The following EPHA5 variants were observed in gnomAD, a reference collection of about 807,000 sequenced individuals.
The protein encoded by EPHA5 is EPH receptor A5.
EPHA5 carries 60 observed loss-of-function variants against 105.0 expected under a neutral mutation model. The ratio of observed to expected loss-of-function variants is 0.57; its 90% confidence interval spans 0.46 to 0.71. The LOEUF is 0.71. Among genes scored for constraint, EPHA5 ranks in the 30% least tolerant of loss-of-function variants. EPHA5 has a pLI of 0.00. For synonymous variants in EPHA5, 513 were observed against 449.1 expected (o/e 1.14, Z -1.80); for missense variants, 1,218 against 1,274.7 (o/e 0.96, Z 0.68).
intron 3 of EPHA5, among the ~76,000 whole-genome samples, chr4:65,593,623 C>T (rs998062624): frequency 6.6e-6 from 1 of 152,140 alleles, no homozygotes; most frequent in Admixed American, 6.5e-5. Flanking sequence ...AGTAGGCAAA[C>T]ATTACTTGCA....
intron 5 of EPHA5, among the ~76,000 whole-genome samples, chr4:65,429,153 A>T (rs1262394635): frequency 6.6e-6 from 1 of 152,076 alleles, no homozygotes; most frequent in African/African-American, 2.4e-5. Context: ...AATTCAAATA[A>T]TTTTTACAGT....
intron 3 of EPHA5, among the ~76,000 whole-genome samples, chr4:65,557,267 CTT>C (rs962667566): frequency 5.5e-5 from 3 of 54,390 alleles, no homozygotes; most frequent in African/African-American, 2.1e-4. Flanking sequence ...TATTCTCACA[CTT>C]TGTTATTAAC....
In EPHA5 at chr4:65,351,619, T is replaced by C. The variant is rs770210947; in HGVS notation, c.2236-21A>G. On this transcript the variant is annotated intron_variant, in intron 12 of 16. Transcript: ENST00000613740. ...TTTTTCTGTAAAGACAATGTAGAAA[T>C]ATTAGTCTAGCAACACCAATCACTG... 1.4e-5 allele frequency: 22 copies of C among 1,609,870 alleles called. No individual in the cohort carries two copies. In the South Asian group the frequency reaches 2.3e-4, roughly 17 times the overall value.
chr4:65,389,768 G>A (rs997981245), intron 8 of EPHA5, among the ~76,000 whole-genome samples: 1 of 152,016 alleles, frequency 6.6e-6, no homozygotes, highest in Non-Finnish European at 1.5e-5. Flanking sequence ...AGAGGTACTT[G>A]TGAGGTACAT....
At chr4:65,417,967 A>C (rs990901408) in intron 6 of EPHA5, among the ~76,000 whole-genome samples, 2 of 152,180 alleles carry the variant, frequency 1.3e-5, no homozygotes, top group Non-Finnish European at 1.5e-5. Context: ...TGCTTTCCTC[A>C]AGGACAAAAA....
intron 8 of EPHA5, among the ~76,000 whole-genome samples, chr4:65,392,866 TTTAA>T (rs1481119069): frequency 2.0e-5 from 3 of 152,174 alleles, no homozygotes; most frequent in African/African-American, 7.2e-5. Context: ...GAGTTATTTA[TTTAA>T]TTAAGTTATG....
At chr4:65,477,517 A>G (rs1473268157) in intron 5 of EPHA5, among the ~76,000 whole-genome samples, 1 of 151,872 alleles carries the variant, frequency 6.6e-6, no homozygotes. Context: ...GGTTTAAGTG[A>G]TTCTCCTGCC....
At chr4:65,529,246 C>G (rs1445946211) in intron 3 of EPHA5, among the ~76,000 whole-genome samples, 5 of 151,990 alleles carry the variant, frequency 3.3e-5, no homozygotes, top group Non-Finnish European at 7.4e-5. Context: ...TTTCAAATCC[C>G]CAAACAGTGG....
chr4:65,402,096 C>T lies in EPHA5; in HGVS notation c.1793+2278G>A, dbSNP rs555830059. Among the ~76,000 whole-genome samples, 3 of 152,166 alleles carry T rather than the reference C, an allele frequency of 2.0e-5. No homozygotes were observed. The East Asian group carries it at 5.8e-4, about 30-fold the overall frequency. On this transcript the variant is annotated intron_variant, in intron 8 of 16. Transcript: ENST00000613740. ...GTTCTCATGATAGTAAGATTGTTCTCAGGAGATCTAATGGTTTTTTAAGGG... is the reference window on the plus strand; with the variant it reads ...GTTCTCATGATAGTAAGATTGTTCTTAGGAGATCTAATGGTTTTTTAAGGG...
chr4:65,651,666 C>A (rs1477598103), intron 1 of EPHA5, among the ~76,000 whole-genome samples: 1 of 151,880 alleles, frequency 6.6e-6, no homozygotes, highest in Non-Finnish European at 1.5e-5. Flanking sequence ...ATTTATTTTA[C>A]CCCAAAGTAT....
At chr4:65,646,544 A>G (rs1241359853) in intron 1 of EPHA5, among the ~76,000 whole-genome samples, 2 of 152,212 alleles carry the variant, frequency 1.3e-5, no homozygotes, top group Non-Finnish European at 2.9e-5. Context: ...CCTACAATGT[A>G]CTGTCAACCT....
chr4:65,489,232 A>C (rs1250289125), intron 5 of EPHA5, among the ~76,000 whole-genome samples: 1 of 151,966 alleles, frequency 6.6e-6, no homozygotes, highest in Non-Finnish European at 1.5e-5. Context: ...GAATATAACC[A>C]CTTGATTTAC....
chr4:65,643,239 A>G (rs1747822529), intron 2 of EPHA5, 124 bp downstream of exon 2: 2 of 709,578 alleles, frequency 2.8e-6, no homozygotes, highest in Admixed American at 2.7e-5. Context: ...ACCCCATCCA[A>G]CACACACATA....
intron 2 of EPHA5, among the ~76,000 whole-genome samples, chr4:65,634,516 G>A (rs577552766): frequency 6.6e-6 from 1 of 152,144 alleles, no homozygotes; most frequent in Non-Finnish European, 1.5e-5. Flanking sequence ...CTATACTTCA[G>A]TGTATGCTTA....
At chr4:65,333,049 T>TCGG (rs1720792888) in intron 15 of EPHA5, among the ~76,000 whole-genome samples, 2 of 151,840 alleles carry the variant, frequency 1.3e-5, no homozygotes, top group African/African-American at 4.8e-5. Flanking sequence ...ACACTTTTAA[T>TCGG]GACACTACGT....
At chr4:65,516,053 C>T (rs1434194172) in intron 3 of EPHA5, among the ~76,000 whole-genome samples, 1 of 152,124 alleles carries the variant, frequency 6.6e-6, no homozygotes, top group Non-Finnish European at 1.5e-5. Context: ...TGGGACTTCT[C>T]AGCCTTCATC....
At chr4:65,491,153 C>T (rs1284772892) in intron 4 of EPHA5, among the ~76,000 whole-genome samples, 9 of 150,178 alleles carry the variant, frequency 6.0e-5, no homozygotes, top group Non-Finnish European at 7.4e-5. Flanking sequence ...GAATTTTCAG[C>T]GTAGCTCCTG....
At chr4:65,414,000 A>C (rs1003842397) in intron 7 of EPHA5, among the ~76,000 whole-genome samples, 18 of 152,224 alleles carry the variant, frequency 1.2e-4, no homozygotes, top group Non-Finnish European at 2.2e-4. Flanking sequence ...AAAGTATGGC[A>C]GCAGTAGAAA....
At chr4:65,426,192 G>A (rs1724425414) in intron 5 of EPHA5, among the ~76,000 whole-genome samples, 1 of 152,124 alleles carries the variant, frequency 6.6e-6, no homozygotes. Flanking sequence ...AAGTCATCAA[G>A]TCAACTATCT....
Sources: gnomAD v4.1 joint callset for allele counts (sites outside exome capture counted in the v4.1 genomes callset) on GRCh38, gnomAD v4.1.1 for gene constraint, MANE v1.5 for transcripts, NCBI Gene and HGNC (gene_info 2026-07-23, HGNC 2026-07-21) for gene names.